The following DGKZ variants were observed in gnomAD, a reference collection of about 807,000 sequenced individuals.
DGKZ encodes DAG kinase zeta.
DGKZ carries 45 observed loss-of-function variants against 142.5 expected under a neutral mutation model. The observed-to-expected ratio is 0.32, with a 90% CI of 0.25 to 0.40. DGKZ has a LOEUF of 0.40. Among genes scored for constraint, DGKZ ranks in the 10% least tolerant of loss-of-function variants. The probability of loss-of-function intolerance (pLI) is 1.00; values close to 1 mark genes in which losing one functional copy is unlikely to be tolerated. For missense variants in DGKZ, 755 were observed against 1,306.5 expected (o/e 0.58, Z 6.51); for synonymous variants, 442 against 527.0 (o/e 0.84, Z 2.21).
rs1326738974 is a variant in DGKZ at position 46,367,869 on chromosome 11, G to A, written c.366+122G>A. The A allele has an allele frequency of 6.6e-7, 1 of 1,507,392 alleles. No homozygotes were observed. The highest frequency in any genetic ancestry group is 1.4e-5 in the African/African-American group (1 of 72,732). The allele number at this position is 1,507,392 out of a possible 1,614,324, so 93.4% of individuals were successfully genotyped here. On this transcript the variant is annotated intron_variant, in intron 3 of 30. Transcript: ENST00000527911. This position sits in a 1 kb window ranked among gnomAD's most constrained non-coding sequence, Gnocchi z 4.1. ...GCTGTGGGCCGCCCCAGGATGGTGA[G>A]GGGTGCAGGGGCTTTGTCCGGATGC...
chr11:46,378,377 C>G, intron 26 of DGKZ, 80 bp from the exon 27 acceptor site: 1 of 1,545,596 alleles, frequency 6.5e-7, no homozygotes, highest in South Asian at 1.2e-5. Flanking sequence ...ACATGCCTGG[C>G]CGGCACAGTC....
chr11:46,376,290 C>T, intron 22 of DGKZ, 38 bp from the exon 23 acceptor site: 1 of 1,613,154 alleles, frequency 6.2e-7, no homozygotes, highest in Non-Finnish European at 8.5e-7. Flanking sequence ...TCCCTGGCCC[C>T]CACTCTATCC....
intron 18 of DGKZ, 39 bp downstream of exon 18, chr11:46,374,878 G>A (rs1255642945): frequency 2.5e-6 from 4 of 1,583,368 alleles, no homozygotes; most frequent in African/African-American, 1.3e-5. Flanking sequence ...GAGCCCTGCT[G>A]TCCTTGTCCT....
chr11:46,354,011 T>A (rs932465041), intron 1 of DGKZ, among the ~76,000 whole-genome samples: 2 of 152,222 alleles, frequency 1.3e-5, no homozygotes, highest in Admixed American at 6.5e-5. Context: ...AGCTGGTTCT[T>A]GCTCCCCAAC....
At position 46,347,557 on chromosome 11, in the gene DGKZ, C is replaced by T. The variant is rs2136392570; in HGVS notation, c.-103C>T. The T allele has an allele frequency of 2.0e-6, 2 of 997,202 alleles. No homozygotes were observed. The highest frequency in any genetic ancestry group is 9.1e-5 in the South Asian group (2 of 21,926). 61.8% of individuals were successfully genotyped at this position (997,202 alleles called of 1,614,324 possible). A position where few individuals can be genotyped will look rare whatever the true frequency, so the allele number is the denominator to read the frequency against. Reference sequence around the variant, plus strand: ...GCGGGGCGGGCGGAGCGAGCGCGCGCCATGGAGGTGGCGGGCGGCGCGGAG... The same window carrying T: ...GCGGGGCGGGCGGAGCGAGCGCGCGTCATGGAGGTGGCGGGCGGCGCGGAG... On this transcript the variant is annotated 5_prime_UTR_variant, in exon 1 of 31. Transcript: ENST00000527911. The surrounding 1 kb of genome is among the most constrained non-coding windows in gnomAD (Gnocchi z 6.4).
chr11:46,361,659 C>T (rs879662686), intron 1 of DGKZ: 7 of 985,590 alleles, frequency 7.1e-6, no homozygotes, highest in Non-Finnish European at 8.4e-6. Context: ...ATCCAGAGCC[C>T]GGCCTTGGGG....
At chr11:46,358,357 A>T (rs944119806) in intron 1 of DGKZ, among the ~76,000 whole-genome samples, 1 of 152,192 alleles carries the variant, frequency 6.6e-6, no homozygotes, top group Non-Finnish European at 1.5e-5. Flanking sequence ...CTGCAAACCA[A>T]ACTGTGATGA....
At chr11:46,351,560 T>C (rs1941383697) in intron 1 of DGKZ, among the ~76,000 whole-genome samples, 1 of 152,094 alleles carries the variant, frequency 6.6e-6, no homozygotes, top group Non-Finnish European at 1.5e-5. Context: ...GGACGCCTCT[T>C]TTGCAGAGGT....
At chr11:46,340,233 G>GTAC (rs1434078365) in intron 1 of DGKZ, among the ~76,000 whole-genome samples, 1 of 152,230 alleles carries the variant, frequency 6.6e-6, no homozygotes, top group Non-Finnish European at 1.5e-5. Context: ...TGTACAAAGT[G>GTAC]TACATATCTC....
At chr11:46,376,818 G>T in intron 24 of DGKZ, 1 of 645,066 alleles carries the variant, frequency 1.6e-6, no homozygotes, top group Non-Finnish European at 2.7e-6. Context: ...GGGCCTGGAA[G>T]CCCAGAGCCA....
chr11:46,378,954 C>G (rs1944889621), intron 27 of DGKZ, 37 bp from the exon 28 acceptor site: 14 of 1,506,428 alleles, frequency 9.3e-6, no homozygotes, highest in Middle Eastern at 2.5e-4. Flanking sequence ...AGGGGTGGCC[C>G]CAGGAGGTCC....
intron 6 of DGKZ, among the ~76,000 whole-genome samples, chr11:46,370,379 G>T (rs1022817081): frequency 6.6e-6 from 1 of 152,326 alleles, no homozygotes; most frequent in South Asian, 2.1e-4. Context: ...TTGAAGCCAG[G>T]CTTTCCAGGC....
At chr11:46,364,942 G>A (rs1943085801) in intron 1 of DGKZ, 1 of 985,334 alleles carries the variant, frequency 1.0e-6, no homozygotes, top group Non-Finnish European at 1.2e-6. Context: ...CCAGGACCAG[G>A]GCCCAGGAGA....
At chr11:46,378,685 A>T in intron 27 of DGKZ, 185 bp downstream of exon 27, 4 of 921,074 alleles carry the variant, frequency 4.3e-6, no homozygotes, top group Non-Finnish European at 6.8e-6. Context: ...GCCACAATAG[A>T]TGGCTCCTAG....
At chr11:46,341,512 A>C (rs1331522285) in intron 1 of DGKZ, among the ~76,000 whole-genome samples, 1 of 152,254 alleles carries the variant, frequency 6.6e-6, no homozygotes, top group African/African-American at 2.4e-5. Flanking sequence ...TGAATGACCA[A>C]AAACTTGGAA....
At chr11:46,369,854 C>T in intron 5 of DGKZ, 87 bp from the exon 6 acceptor site, 1 of 1,415,704 alleles carries the variant, frequency 7.1e-7, no homozygotes, top group Non-Finnish European at 1.0e-6. Flanking sequence ...CTTCCTGCAG[C>T]CCCGTGTGTT....
intron 1 of DGKZ, chr11:46,364,409 G>C: frequency 7.8e-7 from 1 of 1,288,732 alleles, no homozygotes; most frequent in Non-Finnish European, 1.0e-6. Context: ...TTTTGGGGGA[G>C]ACCCAGCGCT....
chr11:46,345,369 C>T (rs1448227276), upstream of DGKZ: 12 of 1,401,114 alleles, frequency 8.6e-6, no homozygotes, highest in Admixed American at 3.6e-5. The surrounding 1 kb of genome is among the most constrained non-coding windows in gnomAD (Gnocchi z 4.1). Flanking sequence ...ACCCCACCCC[C>T]GTCAGGAAGT....
intron 1 of DGKZ, among the ~76,000 whole-genome samples, chr11:46,337,416 C>T (rs1385437322): frequency 6.6e-6 from 1 of 151,444 alleles, no homozygotes. Flanking sequence ...CTGCCTCAGC[C>T]TGCCAAGTAG....
Sources: gnomAD v4.1 joint callset for allele counts (sites outside exome capture counted in the v4.1 genomes callset) on GRCh38, gnomAD v4.1.1 for gene constraint, Gnocchi (gnomAD v3.1) non-coding constraint, MANE v1.5 for transcripts, NCBI Gene and HGNC (gene_info 2026-07-23, HGNC 2026-07-21) for gene names.